WWOX: variants seen among roughly 807,000 people sequenced by gnomAD.
WWOX encodes WW domain-containing oxidoreductase.
WWOX carries 69 observed loss-of-function variants against 46.2 expected under a neutral mutation model. The observed-to-expected ratio is 1.49, with a 90% CI of 1.23 to 1.82. The LOEUF (loss-of-function observed/expected upper bound fraction) is 1.82. WWOX is among the 40% of genes most tolerant of loss of function. The pLI, the probability that WWOX is intolerant of heterozygous loss-of-function variation, is 0.00. For synonymous variants in WWOX, 359 were observed against 202.6 expected (o/e 1.77, Z -6.56); for missense variants, 919 against 542.6 (o/e 1.69, Z -6.89).
chr16:79,164,362 A>G (rs1028834248), intron 8 of WWOX, among the ~76,000 whole-genome samples: 13 of 152,154 alleles, frequency 8.5e-5, no homozygotes, highest in African/African-American at 3.1e-4. Flanking sequence ...TGCCACTTCC[A>G]CATTGAGTGA....
At chr16:78,249,179 G>A (rs1187537466) in intron 5 of WWOX, among the ~76,000 whole-genome samples, 1 of 152,110 alleles carries the variant, frequency 6.6e-6, no homozygotes, top group Non-Finnish European at 1.5e-5. Context: ...AGATGACAAG[G>A]CATGGAATGG....
At chr16:78,510,067 CTGT>C (rs2085322964) in intron 8 of WWOX, among the ~76,000 whole-genome samples, 1 of 2,976 alleles carries the variant, frequency 3.4e-4, no homozygotes. Flanking sequence ...GTCTCCAAGT[CTGT>C]CTGTCTGTCT....
intron 5 of WWOX, among the ~76,000 whole-genome samples, chr16:78,367,381 C>G (rs1200207490): frequency 6.7e-6 from 1 of 148,904 alleles, no homozygotes; most frequent in African/African-American, 2.5e-5. Context: ...AATGTATAAA[C>G]TTGCTTAAAA....
intron 8 of WWOX, among the ~76,000 whole-genome samples, chr16:78,769,151 G>A (rs2049999217): frequency 2.0e-5 from 3 of 152,190 alleles, no homozygotes; most frequent in Non-Finnish European, 4.4e-5. Flanking sequence ...TGGAAGGATG[G>A]AAAGGTTAAA....
chr16:79,119,456 C>T (rs1012183923), intron 8 of WWOX, among the ~76,000 whole-genome samples: 5 of 152,164 alleles, frequency 3.3e-5, no homozygotes, highest in Non-Finnish European at 7.3e-5. Flanking sequence ...AATCGGAGTG[C>T]CATCCGCGCT....
chr16:78,964,504 C>G (rs562681580), intron 8 of WWOX, among the ~76,000 whole-genome samples: 1 of 152,108 alleles, frequency 6.6e-6, no homozygotes, highest in African/African-American at 2.4e-5. Flanking sequence ...TTCTCATCAG[C>G]AAAACATTCA....
intron 4 of WWOX, among the ~76,000 whole-genome samples, chr16:78,140,332 T>C (rs910983926): frequency 6.6e-6 from 1 of 152,154 alleles, no homozygotes; most frequent in African/African-American, 2.4e-5. Context: ...GAGTCCCAGT[T>C]TGATGAATTC....
chr16:78,362,327 G>A (rs1202489022), intron 5 of WWOX, among the ~76,000 whole-genome samples: 1 of 152,156 alleles, frequency 6.6e-6, no homozygotes, highest in East Asian at 1.9e-4. Context: ...GAAAAAAACA[G>A]GACAGGCATT....
intron 8 of WWOX, among the ~76,000 whole-genome samples, chr16:78,455,950 C>T (rs547084364): frequency 1.3e-5 from 2 of 152,318 alleles, no homozygotes; most frequent in East Asian, 3.9e-4. Flanking sequence ...CTTAAGGGAG[C>T]TGGCATAGGC....
intron 6 of WWOX, among the ~76,000 whole-genome samples, chr16:78,421,315 AT>A (rs1377207647): frequency 6.6e-6 from 1 of 151,982 alleles, no homozygotes; most frequent in Non-Finnish European, 1.5e-5. Flanking sequence ...CTAGCTTCCC[AT>A]GACTGCCAGC....
chr16:78,586,535 C>A (rs963668205), intron 8 of WWOX, among the ~76,000 whole-genome samples: 2 of 152,190 alleles, frequency 1.3e-5, no homozygotes, highest in Non-Finnish European at 1.5e-5. Context: ...AATTCTCCAA[C>A]AACCTTGCAA....
At chr16:79,179,662 A>G (rs2050870683) in intron 8 of WWOX, among the ~76,000 whole-genome samples, 1 of 152,182 alleles carries the variant, frequency 6.6e-6, no homozygotes, top group South Asian at 2.1e-4. Flanking sequence ...GAGCCACTGG[A>G]AATCTATTAC....
chr16:78,468,269 T>C (rs2084130521), intron 8 of WWOX, among the ~76,000 whole-genome samples: 3 of 151,696 alleles, frequency 2.0e-5, no homozygotes, highest in Admixed American at 1.3e-4. Flanking sequence ...CCTTTCTTTT[T>C]TTTTTTTTTT....
intron 8 of WWOX, among the ~76,000 whole-genome samples, chr16:79,082,611 G>C (rs1225435453): frequency 6.6e-6 from 1 of 152,140 alleles, no homozygotes; most frequent in East Asian, 1.9e-4. Flanking sequence ...AAAGTCGCGA[G>C]TGTTTTGATT....
chr16:78,417,933 G>C (rs1330339623), intron 6 of WWOX, among the ~76,000 whole-genome samples: 1 of 152,198 alleles, frequency 6.6e-6, no homozygotes, highest in African/African-American at 2.4e-5. Flanking sequence ...TGAGGCAACA[G>C]AATGAATTAT....
intron 8 of WWOX, among the ~76,000 whole-genome samples, chr16:79,200,230 G>A (rs1213021442): frequency 2.0e-5 from 3 of 152,178 alleles, no homozygotes; most frequent in South Asian, 2.1e-4. Context: ...ATGGAGCTCA[G>A]AAAGGAGGAG....
At chr16:78,136,819 T>G (rs2033807020) in intron 4 of WWOX, among the ~76,000 whole-genome samples, 2 of 152,092 alleles carry the variant, frequency 1.3e-5, no homozygotes, top group African/African-American at 4.8e-5. Flanking sequence ...CTGGAGAATA[T>G]GTATAGCTGT....
At chr16:78,256,493 G>A (rs2038135977) in intron 5 of WWOX, among the ~76,000 whole-genome samples, 1 of 151,808 alleles carries the variant, frequency 6.6e-6, no homozygotes, top group African/African-American at 2.4e-5. Flanking sequence ...GAAATGTACT[G>A]GACTCAGACT....
At chr16:78,234,720 C>G (rs1216728871) in intron 5 of WWOX, among the ~76,000 whole-genome samples, 13 of 151,694 alleles carry the variant, frequency 8.6e-5, no homozygotes, top group Admixed American at 8.5e-4. Flanking sequence ...TGTTGGACTG[C>G]TTTTGGAAAA....
Sources: allele counts gnomAD v4.1 joint callset (sites outside exome capture counted in the v4.1 genomes callset), GRCh38; gene constraint gnomAD v4.1.1; transcripts MANE v1.5; gene names NCBI Gene and HGNC (gene_info 2026-07-23, HGNC 2026-07-21).